Variants in TSHZ2 observed in about 807,000 individuals in gnomAD.
TSHZ2 encodes teashirt zinc finger homeobox 2.
A neutral mutation model predicts 74.4 loss-of-function variants in TSHZ2; 21 were observed. The observed-to-expected ratio is 0.28, with a 90% CI of 0.20 to 0.41. The LOEUF is 0.41. Among genes scored for constraint, TSHZ2 ranks in the 10% least tolerant of loss-of-function variants. The pLI is 1.00. For synonymous variants in TSHZ2, 540 were observed against 515.3 expected (o/e 1.05, Z -0.65); for missense variants, 1,244 against 1,293.5 (o/e 0.96, Z 0.59).
At chr20:53,343,459 A>G (rs1980304178) in intron 2 of TSHZ2, among the ~76,000 whole-genome samples, 1 of 152,196 alleles carries the variant, frequency 6.6e-6, no homozygotes, top group Non-Finnish European at 1.5e-5. Flanking sequence ...GGCAGATAAA[A>G]AGAAATCTAG....
intron 1 of TSHZ2, among the ~76,000 whole-genome samples, chr20:53,084,413 A>G (rs1985627660): frequency 6.6e-6 from 1 of 152,208 alleles, no homozygotes; most frequent in South Asian, 2.1e-4. Context: ...GATTCAGCCC[A>G]ACAATATGTC....
intron 1 of TSHZ2, among the ~76,000 whole-genome samples, chr20:53,244,405 C>T (rs1990151287): frequency 6.6e-6 from 1 of 152,144 alleles, no homozygotes; most frequent in Middle Eastern, 3.4e-3. Flanking sequence ...TTTCTTTGTT[C>T]CTGTTTCGTT....
chr20:53,169,620 A>C (rs528339371), intron 1 of TSHZ2, among the ~76,000 whole-genome samples: 1 of 152,334 alleles, frequency 6.6e-6, no homozygotes, highest in South Asian at 2.1e-4. Flanking sequence ...ATGAGTTTGT[A>C]GAATGCACTG....
intron 2 of TSHZ2, among the ~76,000 whole-genome samples, chr20:53,419,680 A>T (rs1325472315): frequency 6.6e-6 from 1 of 152,218 alleles, no homozygotes; most frequent in Non-Finnish European, 1.5e-5. Context: ...AGTCAATAAC[A>T]AATAGTCTTC....
At chr20:53,118,915 A>G (rs1005233580) in intron 1 of TSHZ2, among the ~76,000 whole-genome samples, 1 of 152,182 alleles carries the variant, frequency 6.6e-6, no homozygotes, top group Non-Finnish European at 1.5e-5. Context: ...ATGGCAGAAG[A>G]TGAAGGGGGA....
intron 1 of TSHZ2, among the ~76,000 whole-genome samples, chr20:52,986,106 T>C (rs1157093565): frequency 2.0e-5 from 3 of 152,008 alleles, no homozygotes; most frequent in Non-Finnish European, 2.9e-5. Flanking sequence ...AGAAATGAAA[T>C]AATGGCCGGG....
intron 1 of TSHZ2, among the ~76,000 whole-genome samples, chr20:53,076,891 TAAAG>T (rs775069490): frequency 6.6e-6 from 1 of 152,158 alleles, no homozygotes; most frequent in Non-Finnish European, 1.5e-5. Flanking sequence ...GGGAAGTCAT[TAAAG>T]AAAGAGTTAT....
At chr20:53,223,696 C>G (rs947449057) in intron 1 of TSHZ2, among the ~76,000 whole-genome samples, 1 of 152,066 alleles carries the variant, frequency 6.6e-6, no homozygotes, top group African/African-American at 2.4e-5. Context: ...GCGCCCAGCC[C>G]CACTCCATTT....
intron 1 of TSHZ2, among the ~76,000 whole-genome samples, chr20:53,203,735 C>G (rs1293222264): frequency 6.6e-6 from 1 of 152,066 alleles, no homozygotes; most frequent in African/African-American, 2.4e-5. Flanking sequence ...TATGCGAAAT[C>G]TCCTGATTTT....
At chr20:53,001,145 T>C (rs1982391059) in intron 1 of TSHZ2, among the ~76,000 whole-genome samples, 1 of 151,920 alleles carries the variant, frequency 6.6e-6, no homozygotes, top group African/African-American at 2.4e-5. Context: ...AGGAACTCTA[T>C]GAACCCCAGA....
intron 1 of TSHZ2, among the ~76,000 whole-genome samples, chr20:53,215,371 G>C (rs1336714957): frequency 1.3e-5 from 2 of 151,980 alleles, no homozygotes; most frequent in Admixed American, 1.3e-4. Context: ...CCCTTCCACT[G>C]TCTAACCATG....
Position 53,053,131 on chromosome 20 carries a change from C to T in TSHZ2, c.40+79798C>T, listed in dbSNP as rs571675362. On this transcript the variant is annotated intron_variant, in intron 1 of 2. Coordinates refer to ENST00000371497, the MANE Select transcript of TSHZ2 (RefSeq NM_173485.6). The stretch of plus-strand genomic sequence containing the variant: ...ACCTGTTTGGGGCCTTTCATATACA[C>T]GGAGTTCTACGCTATGTGATCATTT... Among the ~76,000 whole-genome samples the T allele has an allele frequency of 2.5e-3, 376 of 152,244 alleles. 2 individuals carry two copies. Among genetic ancestry groups the T allele is most frequent in the African/African-American group, 8.4e-3 (348 of 41,546 alleles).
chr20:53,155,385 C>T (rs569380891), intron 1 of TSHZ2, among the ~76,000 whole-genome samples: 4 of 151,972 alleles, frequency 2.6e-5, no homozygotes, highest in Non-Finnish European at 5.9e-5. Flanking sequence ...ACATAGGACT[C>T]ATGGTAACCT....
intron 1 of TSHZ2, among the ~76,000 whole-genome samples, chr20:53,205,835 C>A (rs1989154463): frequency 6.6e-6 from 1 of 152,212 alleles, no homozygotes; most frequent in Non-Finnish European, 1.5e-5. Flanking sequence ...TTCAGATAAT[C>A]CTGAGCACTG....
chr20:52,980,207 T>C (rs1981510866), intron 1 of TSHZ2, among the ~76,000 whole-genome samples: 1 of 152,232 alleles, frequency 6.6e-6, no homozygotes. Context: ...GAGAACTTTG[T>C]TGCGGCAGGA....
chr20:53,189,745 G>C (rs1036338910), intron 1 of TSHZ2, among the ~76,000 whole-genome samples: 1 of 151,962 alleles, frequency 6.6e-6, no homozygotes, highest in African/African-American at 2.4e-5. Flanking sequence ...ATGAGTGATA[G>C]AAAGGAAAGT....
chr20:53,378,895 A>C (rs921532852), intron 2 of TSHZ2, among the ~76,000 whole-genome samples: 1 of 152,240 alleles, frequency 6.6e-6, no homozygotes, highest in African/African-American at 2.4e-5. Flanking sequence ...AGGATGTAGA[A>C]AAAATTTGTG....
chr20:53,270,433 C>T (rs1361828782), intron 2 of TSHZ2, among the ~76,000 whole-genome samples: 1 of 152,108 alleles, frequency 6.6e-6, no homozygotes, highest in African/African-American at 2.4e-5. Flanking sequence ...ACCCAGCTTA[C>T]AGGTGAAGAA....
chr20:53,258,962 C>T (rs564759030), intron 2 of TSHZ2, among the ~76,000 whole-genome samples: 17 of 152,262 alleles, frequency 1.1e-4, no homozygotes, highest in African/African-American at 3.4e-4. Context: ...TTGTGTTCAT[C>T]GTAAAAATAC....
Sources: gnomAD v4.1 joint callset for allele counts (sites outside exome capture counted in the v4.1 genomes callset) on GRCh38, gnomAD v4.1.1 for gene constraint, MANE v1.5 for transcripts, NCBI Gene and HGNC (gene_info 2026-07-23, HGNC 2026-07-21) for gene names.